Variants in ZNF521 observed in about 807,000 individuals in gnomAD.
The protein encoded by ZNF521 is zinc finger protein 521.
Under a neutral mutation model 105.5 loss-of-function variants are expected in ZNF521, and 14 were observed. That is an observed-to-expected ratio of 0.13 (90% confidence interval 0.09 to 0.21). The LOEUF (loss-of-function observed/expected upper bound fraction) is 0.21, where lower values mean the gene tolerates loss of function less well. Ranked by LOEUF, ZNF521 falls within the 10% of genes least tolerant of loss-of-function variation. The pLI, the probability that ZNF521 is intolerant of heterozygous loss-of-function variation, is 1.00. For synonymous variants in ZNF521, 635 were observed against 606.0 expected, an observed-to-expected ratio of 1.05 and a Z score of -0.70; for missense variants, 1,233 against 1,629.7, an observed-to-expected ratio of 0.76 and a Z score of 4.19.
rs187387840 is a variant in ZNF521, at chr18:25,230,259, A to T, written c.221-2562T>A. 1.8e-3 allele frequency among the ~76,000 whole-genome samples: 273 copies of T among 152,374 alleles called. 1 individual carries two copies. The highest frequency in any genetic ancestry group is 6.4e-3 in the African/African-American group (265 of 41,596). On this transcript the variant is annotated intron_variant, in intron 3 of 7. Transcript: ENST00000361524. ...ATAGTTTGAGCAAGGAATAATACTT[A>T]TAGAAAAATAAATAAAGCATCCCTG... is the stretch of plus-strand genomic sequence containing the variant.
At chr18:25,243,920 A>C (rs1907523888) in intron 3 of ZNF521, among the ~76,000 whole-genome samples, 2 of 152,214 alleles carry the variant, frequency 1.3e-5, no homozygotes, top group Admixed American at 1.3e-4. Flanking sequence ...AAATGAAAAC[A>C]GAGCACATTG....
intron 5 of ZNF521, among the ~76,000 whole-genome samples, chr18:25,169,703 T>C (rs1331716368): frequency 6.6e-6 from 1 of 152,158 alleles, no homozygotes; most frequent in Non-Finnish European, 1.5e-5. Flanking sequence ...AGAGCAATTG[T>C]CCTGAAGTTG....
Position 25,230,678 on chromosome 18 carries a change from G to T in ZNF521, c.221-2981C>A, listed in dbSNP as rs9954148. On this transcript the variant is annotated intron_variant, in intron 3 of 7. Coordinates refer to ENST00000361524, the MANE Select transcript of ZNF521 (RefSeq NM_015461.3). ...TTTGGCACTAAGTGCTACTTACAGG[G>T]ACTGTCTTTCTGGGTGATGGCAAGT... Among the ~76,000 whole-genome samples, 1,076 of 152,220 alleles carry T rather than the reference G, an allele frequency of 7.1e-3. 17 individuals are homozygous for T. Among genetic ancestry groups the T allele is most frequent in the African/African-American group, 0.025 (1,041 of 41,536 alleles).
Position 25,130,371 on chromosome 18 carries a change from A to G in ZNF521, c.3659-38290T>C, listed in dbSNP as rs374882135. Among the ~76,000 whole-genome samples, 28 of 152,310 alleles carry G rather than the reference A, an allele frequency of 1.8e-4. No homozygotes were observed. The East Asian group carries it at 4.1e-3, about 22-fold the overall frequency. On this transcript the variant is annotated intron_variant, in intron 5 of 7. Transcript: ENST00000361524. Reference sequence around the variant, plus strand: ...AGAGGGATGAGTAGATAGAACAAAGAAAATTTTTTGGGCAGTGAAACTATT... The same window carrying G: ...AGAGGGATGAGTAGATAGAACAAAGGAAATTTTTTGGGCAGTGAAACTATT...
chr18:25,180,915 C>T lies in ZNF521; in HGVS notation c.3658+14245G>A, dbSNP rs75876442. Among the ~76,000 whole-genome samples, 767 of 152,288 alleles carry T rather than the reference C, an allele frequency of 5.0e-3. 2 individuals are homozygous for T. Among genetic ancestry groups the T allele is most frequent in the Non-Finnish European group, 8.1e-3 (549 of 68,012 alleles). On this transcript the variant is annotated intron_variant, in intron 5 of 7. Transcript: ENST00000361524. ...TCAGTGAAGCAGCCTACAGTATCTGCCCTGAATTCGTGGTACTCATTCTAT... is the reference window on the plus strand; with the variant it reads ...TCAGTGAAGCAGCCTACAGTATCTGTCCTGAATTCGTGGTACTCATTCTAT...
At chr18:25,327,361 T>C (rs1247517828) in intron 2 of ZNF521, 1 of 957,148 alleles carries the variant, frequency 1.0e-6, no homozygotes, top group Non-Finnish European at 1.3e-6. Flanking sequence ...TAAACGTAAT[T>C]AACTGTCTAA....
intron 3 of ZNF521, 100 bp downstream of exon 3, chr18:25,321,908 G>A (rs1912950453): frequency 2.6e-6 from 3 of 1,161,590 alleles, no homozygotes; most frequent in Non-Finnish European, 3.6e-6. Context: ...TCAAATGTAG[G>A]AATAAAATAA....
At chr18:25,313,474 C>T (rs775354254) in intron 3 of ZNF521, among the ~76,000 whole-genome samples, 56 of 152,170 alleles carry the variant, frequency 3.7e-4, no homozygotes, top group Middle Eastern at 3.2e-3. Flanking sequence ...GAAACCGTTT[C>T]ATCAGAGCTG....
chr18:25,128,157 G>C (rs1201825024), intron 5 of ZNF521, among the ~76,000 whole-genome samples: 1 of 151,776 alleles, frequency 6.6e-6, no homozygotes, highest in South Asian at 2.1e-4. Flanking sequence ...GGTATGCAAG[G>C]CAAGTTCAAC....
chr18:25,134,231 C>T (rs2034692134), intron 5 of ZNF521, among the ~76,000 whole-genome samples: 1 of 152,104 alleles, frequency 6.6e-6, no homozygotes, highest in Non-Finnish European at 1.5e-5. Flanking sequence ...CTTCTGGAAC[C>T]ATCCCACAGT....
chr18:25,344,968 G>A (rs1914398771), intron 2 of ZNF521, among the ~76,000 whole-genome samples: 2 of 152,120 alleles, frequency 1.3e-5, no homozygotes, highest in African/African-American at 4.8e-5. Context: ...ATTGATCTTA[G>A]TAGACCTACT....
chr18:25,231,827 T>C (rs890071701), intron 3 of ZNF521, among the ~76,000 whole-genome samples: 1 of 152,222 alleles, frequency 6.6e-6, no homozygotes, highest in Non-Finnish European at 1.5e-5. Flanking sequence ...TTTCAGAAGA[T>C]TGATTCCAAC....
intron 2 of ZNF521, 108 bp downstream of exon 2, chr18:25,350,799 A>T (rs1914714380): frequency 1.5e-5 from 19 of 1,278,870 alleles, no homozygotes; most frequent in Non-Finnish European, 1.9e-5. Flanking sequence ...CCGCACTCAC[A>T]CTCACACTCA....
chr18:25,317,148 C>T (rs1002372527), intron 3 of ZNF521, among the ~76,000 whole-genome samples: 7 of 151,950 alleles, frequency 4.6e-5, no homozygotes, highest in Non-Finnish European at 1.0e-4. Flanking sequence ...TGAGCCACGA[C>T]GCCCGGCCTC....
chr18:25,314,151 T>C (rs1912476224), intron 3 of ZNF521, among the ~76,000 whole-genome samples: 2 of 152,262 alleles, frequency 1.3e-5, no homozygotes, highest in Admixed American at 1.3e-4. Flanking sequence ...ATCACATTTA[T>C]TTCATGTAAT....
At position 25,089,501 on chromosome 18, in the gene ZNF521, T is replaced by C; in HGVS notation, c.3870A>G (p.Gln1290=). The stretch of plus-strand genomic sequence containing the variant: ...TTTGGAAGAAAAACTTCTGTGGACA[T>C]TGTGTACAGTCATAGATCTTGTCTT... ...GQEDKIYDCT[Q]CPQKFFFQTE... is the part of the protein sequence containing the mutation. The change falls in exon 7 of 8, where the codon CAA becomes CAG. Residue 1290 remains glutamine (Q), a synonymous_variant. Coordinates refer to ENST00000361524, the MANE Select transcript of ZNF521 (RefSeq NM_015461.3). 2 of 1,614,162 alleles carry C rather than the reference T, an allele frequency of 1.2e-6. No homozygotes were observed. The highest frequency in any genetic ancestry group is 2.7e-5 in the African/African-American group (2 of 75,048).
Position 25,352,165 on chromosome 18 carries a change from G to C in ZNF521, c.-162C>G, listed in dbSNP as rs759158367. On this transcript the variant is annotated 5_prime_UTR_variant, in exon 1 of 8. Coordinates refer to ENST00000361524, the MANE Select transcript of ZNF521 (RefSeq NM_015461.3). ...TGAGGAAATCATTGTCAGCCTGCCT[G>C]CACTCACACACAGACAGAGGGGCAT... is the stretch of plus-strand genomic sequence containing the variant. The C allele has an allele frequency of 8.0e-6, 3 of 374,876 alleles. No homozygotes were observed. The highest frequency in any genetic ancestry group is 1.7e-5 in the Non-Finnish European group (3 of 179,974). The allele number at this position is 374,876 out of a possible 1,614,324, so 23.2% of individuals were successfully genotyped here.
chr18:25,253,534 T>C (rs1278834732), intron 3 of ZNF521, among the ~76,000 whole-genome samples: 1 of 152,134 alleles, frequency 6.6e-6, no homozygotes, highest in African/African-American at 2.4e-5. Context: ...TTCAAAAAAG[T>C]TGGGGTGCTC....
intron 5 of ZNF521, among the ~76,000 whole-genome samples, chr18:25,141,459 T>C (rs996138352): frequency 1.3e-5 from 2 of 152,200 alleles, no homozygotes; most frequent in African/African-American, 4.8e-5. Flanking sequence ...CCGTTCTTCC[T>C]TAGAGCACAG....
Sources: gnomAD v4.1 joint callset for allele counts (sites outside exome capture counted in the v4.1 genomes callset) on GRCh38, gnomAD v4.1.1 for gene constraint, MANE v1.5 for transcripts, NCBI Gene and HGNC (gene_info 2026-07-23, HGNC 2026-07-21) for gene names.